The following NRG2 variants were observed in gnomAD, a reference collection of about 807,000 sequenced individuals.
NRG2 encodes the protein pro-neuregulin-2, membrane-bound isoform.
A neutral mutation model predicts 73.9 loss-of-function variants in NRG2; 27 were observed. The ratio of observed to expected loss-of-function variants is 0.37; its 90% CI spans 0.27 to 0.50. The LOEUF (loss-of-function observed/expected upper bound fraction) is 0.50. Ranked by LOEUF, NRG2 falls within the 20% of genes least tolerant of loss-of-function variation. The pLI is 0.96. For synonymous variants in NRG2, 532 were observed against 541.0 expected (o/e 0.98, Z 0.23); for missense variants, 1,126 against 1,210.1 (o/e 0.93, Z 1.03).
Position 139,877,400 on chromosome 5 carries a change from C to T in NRG2, c.991+3456G>A, listed in dbSNP as rs141422921. 2.0e-5 allele frequency among the ~76,000 whole-genome samples: 3 copies of T among 152,380 alleles called. No homozygotes were observed. In the East Asian group the frequency reaches 5.8e-4, roughly 29 times the overall value. ...CTGCTCCCCAATGACCTCCCTGTAC[C>T]CTCTTCTAGCTGCCCTATCCCTGTA... On this transcript the variant is annotated intron_variant, in intron 3 of 9. Coordinates refer to ENST00000361474, the MANE Select transcript of NRG2 (RefSeq NM_004883.3).
chr5:139,889,036 T>C (rs1390029098), intron 1 of NRG2, among the ~76,000 whole-genome samples: 1 of 152,198 alleles, frequency 6.6e-6, no homozygotes, highest in African/African-American at 2.4e-5. Context: ...AATAATAGCA[T>C]TTCCCAAAGT....
chr5:139,854,303 C>G (rs1761677011), intron 6 of NRG2, among the ~76,000 whole-genome samples: 1 of 152,234 alleles, frequency 6.6e-6, no homozygotes, highest in Admixed American at 6.5e-5. Flanking sequence ...AACTCTTGTT[C>G]ACCTCTCAGG....
chr5:139,878,316 T>C (rs1305413188), intron 3 of NRG2, among the ~76,000 whole-genome samples: 1 of 152,152 alleles, frequency 6.6e-6, no homozygotes, highest in Admixed American at 6.5e-5. Context: ...GTCAAGTGGG[T>C]CACATGACCT....
At chr5:139,973,055 T>C (rs1477611837) in intron 1 of NRG2, among the ~76,000 whole-genome samples, 1 of 151,572 alleles carries the variant, frequency 6.6e-6, no homozygotes, top group Non-Finnish European at 1.5e-5. Context: ...ATTGACACAA[T>C]CTTTCTGAAC....
rs1761071275 is a variant in NRG2, at chr5:139,847,512, C to A, written c.*405G>T. The A allele has an allele frequency of 6.6e-6, 1 of 152,174 alleles. No homozygotes were observed. Among genetic ancestry groups the A allele is most frequent in the East Asian group, 1.9e-4 (1 of 5,254 alleles). The allele number at this position is 152,174 out of a possible 1,614,324, so 9.4% of individuals were successfully genotyped here. A position where few individuals can be genotyped will look rare whatever the true frequency, so the allele number is the denominator to read the frequency against. ...CCACCCTCGCCCCCAACAGAACCCG[C>A]ACCTCTTCTCTCCCAGCTGTCACTC... On this transcript the variant is annotated 3_prime_UTR_variant, in exon 10 of 10. Transcript: ENST00000361474.
chr5:139,989,192 T>A (rs934779208), intron 1 of NRG2, among the ~76,000 whole-genome samples: 1 of 151,990 alleles, frequency 6.6e-6, no homozygotes. Flanking sequence ...TTCTCCATTA[T>A]CTCCGGAATA....
intron 1 of NRG2, among the ~76,000 whole-genome samples, chr5:140,041,627 A>C (rs1450786581): frequency 6.6e-5 from 10 of 150,466 alleles, no homozygotes; most frequent in Non-Finnish European, 1.2e-4. Context: ...TTTCATCATC[A>C]TCACAATCAA....
At chr5:140,032,099 G>A (rs1449320018) in intron 1 of NRG2, among the ~76,000 whole-genome samples, 1 of 152,132 alleles carries the variant, frequency 6.6e-6, no homozygotes, top group African/African-American at 2.4e-5. Context: ...CTCCTAATTC[G>A]TGATCTCAGC....
chr5:139,978,648 A>G (rs1206504045), intron 1 of NRG2, among the ~76,000 whole-genome samples: 1 of 152,244 alleles, frequency 6.6e-6, no homozygotes. Context: ...TGTATATTAT[A>G]AACATATAAA....
intron 3 of NRG2, among the ~76,000 whole-genome samples, chr5:139,877,330 G>A (rs1581839391): frequency 6.6e-6 from 1 of 152,228 alleles, no homozygotes; most frequent in Non-Finnish European, 1.5e-5. Context: ...CCTGAACAGA[G>A]CAGTAGCCAC....
intron 1 of NRG2, among the ~76,000 whole-genome samples, chr5:139,966,967 T>C (rs1328987589): frequency 6.6e-6 from 1 of 152,120 alleles, no homozygotes; most frequent in African/African-American, 2.4e-5. Context: ...ACAGGGGTCA[T>C]GCAGGCCCCC....
At chr5:140,002,797 T>A (rs1002863163) in intron 1 of NRG2, among the ~76,000 whole-genome samples, 1 of 152,160 alleles carries the variant, frequency 6.6e-6, no homozygotes, top group Non-Finnish European at 1.5e-5. Context: ...AGAGACCAAT[T>A]TGAAGGCTAT....
intron 1 of NRG2, among the ~76,000 whole-genome samples, chr5:139,938,823 C>A: frequency 8.1e-6 from 1 of 123,374 alleles, no homozygotes; most frequent in Non-Finnish European, 1.7e-5. Context: ...AGTGCTGAAA[C>A]AATTGGACAG....
intron 1 of NRG2, among the ~76,000 whole-genome samples, chr5:140,003,211 C>A (rs771116301): frequency 6.6e-6 from 1 of 152,198 alleles, no homozygotes; most frequent in Non-Finnish European, 1.5e-5. Context: ...TAAAGAAATG[C>A]AAATAAAACA....
intron 1 of NRG2, among the ~76,000 whole-genome samples, chr5:139,987,575 C>G (rs924487820): frequency 2.6e-5 from 4 of 152,020 alleles, no homozygotes; most frequent in Non-Finnish European, 5.9e-5. Context: ...GACAGATCTA[C>G]CTATCTTCCA....
chr5:139,871,355 AAG>A (rs1458487534), intron 4 of NRG2, among the ~76,000 whole-genome samples: 6 of 152,232 alleles, frequency 3.9e-5, no homozygotes, highest in Middle Eastern at 3.4e-3. Flanking sequence ...TGGGGAGGAA[AAG>A]AGGGGGGGAA....
In NRG2 at chr5:139,872,705, T is replaced by C. The variant is rs558216748; in HGVS notation, c.992-864A>G. 5.8e-4 allele frequency among the ~76,000 whole-genome samples: 89 copies of C among 152,294 alleles called. No individual in the cohort carries two copies. In the Middle Eastern group the frequency reaches 0.014, roughly 23 times the overall value. On this transcript the variant is annotated intron_variant, in intron 3 of 9. Transcript: ENST00000361474. ...GAGCAAGGCTGGGCCTTAAGGCTTC[T>C]AGCACAGACTGCACGTCCGATTGAC...
intron 6 of NRG2, among the ~76,000 whole-genome samples, chr5:139,855,360 C>T (rs1162193544): frequency 1.3e-5 from 2 of 152,228 alleles, no homozygotes; most frequent in Non-Finnish European, 2.9e-5. Context: ...CATGAGGAAC[C>T]ATCAATTTGC....
At chr5:139,867,791 T>TATGA (rs1561638674) in intron 4 of NRG2, among the ~76,000 whole-genome samples, 171 of 135,654 alleles carry the variant, frequency 1.3e-3, no homozygotes, top group Middle Eastern at 7.3e-3. Flanking sequence ...TGTGTGTGTG[T>TATGA]GTGTGTATGA....
Sources: gnomAD v4.1 joint callset for allele counts (sites outside exome capture counted in the v4.1 genomes callset) on GRCh38, gnomAD v4.1.1 for gene constraint, MANE v1.5 for transcripts, NCBI Gene and HGNC (gene_info 2026-07-23, HGNC 2026-07-21) for gene names.